Variants in GRXCR2 observed in about 807,000 individuals in gnomAD.
The protein encoded by GRXCR2 is glutaredoxin and cysteine rich domain containing 2, also known as glutaredoxin domain-containing cysteine-rich protein 2.
Under a neutral mutation model 24.8 loss-of-function variants are expected in GRXCR2, and 23 were observed. The ratio of observed to expected loss-of-function variants is 0.93; its 90% confidence interval spans 0.67 to 1.32. GRXCR2 has a LOEUF of 1.32. Among genes scored for constraint, GRXCR2 ranks in the 40% most tolerant of loss-of-function variants. GRXCR2 has a pLI of 0.00. For synonymous variants in GRXCR2, 130 were observed against 116.1 expected, an observed-to-expected ratio of 1.12 and a Z score of -0.77; for missense variants, 315 against 303.4, an observed-to-expected ratio of 1.04 and a Z score of -0.28.
At chr5:145,880,752 C>G (rs1447410602) in intron 2 of GRXCR2, among the ~76,000 whole-genome samples, 1 of 152,164 alleles carries the variant, frequency 6.6e-6, no homozygotes, top group Non-Finnish European at 1.5e-5. Flanking sequence ...ACGAATATCC[C>G]TGATGAACAT....
intron 2 of GRXCR2, among the ~76,000 whole-genome samples, chr5:145,895,142 A>G (rs535862364): frequency 1.3e-5 from 2 of 152,254 alleles, no homozygotes; most frequent in East Asian, 1.9e-4. Flanking sequence ...TCTCAAAATC[A>G]TAAGAGCTAT....
At chr5:145,909,220 C>T (rs1757131003) in intron 2 of GRXCR2, among the ~76,000 whole-genome samples, 1 of 152,204 alleles carries the variant, frequency 6.6e-6, no homozygotes, top group South Asian at 2.1e-4. Flanking sequence ...ATGAGGCGCG[C>T]AGTCATTACT....
At chr5:145,884,186 A>G (rs937205493) in intron 2 of GRXCR2, among the ~76,000 whole-genome samples, 2 of 152,168 alleles carry the variant, frequency 1.3e-5, no homozygotes, top group Admixed American at 1.3e-4. Flanking sequence ...GGTTTACAAG[A>G]AGTACAGAGA....
chr5:145,916,263 G>A (rs1158399718), intron 2 of GRXCR2, among the ~76,000 whole-genome samples: 1 of 152,164 alleles, frequency 6.6e-6, no homozygotes, highest in Non-Finnish European at 1.5e-5. Context: ...GAATCCTCAA[G>A]ACAAGGCTGC....
chr5:145,926,619 T>G (rs1279946945), intron 2 of GRXCR2, among the ~76,000 whole-genome samples: 1 of 152,236 alleles, frequency 6.6e-6, no homozygotes, highest in Non-Finnish European at 1.5e-5. Flanking sequence ...CATGCTGTTT[T>G]GGTTACTGTA....
At chr5:145,888,193 G>A (rs1756802692) in intron 2 of GRXCR2, among the ~76,000 whole-genome samples, 1 of 152,192 alleles carries the variant, frequency 6.6e-6, no homozygotes, top group South Asian at 2.1e-4. Flanking sequence ...AGGGAACTCA[G>A]GCTGCATCAC....
In GRXCR2 at chr5:145,866,504, T is replaced by A. The variant is rs1756438221; in HGVS notation, c.561A>T (p.Thr187=). The A allele has an allele frequency of 5.6e-6, 9 of 1,612,278 alleles. No homozygotes were observed. The East Asian group carries it at 2.0e-4, about 36-fold the overall frequency. ...ACAGTCAAGCTCCCCAACGCACCTG[T>A]GTATACCGGTTTTGGGGTAATGTGC... ...AESTLPQNRY[T]QEGDIPEDSC... Residue 187 remains threonine (T), a synonymous_variant, in exon 2 of 3, where the codon ACA becomes ACT. Coordinates refer to ENST00000377976, the MANE Select transcript of GRXCR2 (RefSeq NM_001080516.2).
intron 2 of GRXCR2, among the ~76,000 whole-genome samples, chr5:145,887,854 A>G (rs1756799077): frequency 6.6e-6 from 1 of 152,206 alleles, no homozygotes; most frequent in Non-Finnish European, 1.5e-5. Context: ...AGCCATCCCA[A>G]TCACAGGGAT....
At chr5:145,906,880 CAG>C (rs1242215808) in intron 2 of GRXCR2, among the ~76,000 whole-genome samples, 2 of 151,992 alleles carry the variant, frequency 1.3e-5, no homozygotes, top group Non-Finnish European at 2.9e-5. Flanking sequence ...CGAAATGAAA[CAG>C]GGGAGGGAAC....
intron 2 of GRXCR2, among the ~76,000 whole-genome samples, chr5:145,900,903 G>A (rs2636297): frequency 0.094 from 14,376 of 152,182 alleles, 1,629 homozygotes; most frequent in African/African-American, 0.27. Context: ...GTGCCCATCA[G>A]TGGTGGATTG....
chr5:145,866,823 G>A (rs1756445963), intron 1 of GRXCR2, 95 bp from the exon 2 acceptor site: 1 of 759,552 alleles, frequency 1.3e-6, no homozygotes, highest in Admixed American at 2.3e-5. Flanking sequence ...CAGCAGAGAA[G>A]GAACTTCTAC....
chr5:145,874,212 T>A (rs910693833), upstream of GRXCR2, among the ~76,000 whole-genome samples: 2 of 150,712 alleles, frequency 1.3e-5, no homozygotes, highest in South Asian at 4.2e-4. Flanking sequence ...TTATTTTATT[T>A]TTTTTTTTTT....
chr5:145,897,248 TACA>T (rs1756964395), intron 2 of GRXCR2, among the ~76,000 whole-genome samples: 2 of 19,110 alleles, frequency 1.0e-4, no homozygotes, highest in East Asian at 6.1e-3. Context: ...TGTTGTTTGT[TACA>T]TACATACATA....
At chr5:145,919,702 C>A (rs1359875222) in intron 2 of GRXCR2, among the ~76,000 whole-genome samples, 1 of 152,132 alleles carries the variant, frequency 6.6e-6, no homozygotes, top group African/African-American at 2.4e-5. Context: ...TGCCCCTTAT[C>A]TTTGTCATCC....
At chr5:145,861,279 G>A (rs1354270561) in intron 2 of GRXCR2, among the ~76,000 whole-genome samples, 1 of 152,118 alleles carries the variant, frequency 6.6e-6, no homozygotes, top group Non-Finnish European at 1.5e-5. Flanking sequence ...AAGCAATCAG[G>A]AAACCTTTTT....
upstream of GRXCR2, among the ~76,000 whole-genome samples, chr5:145,876,070 G>A (rs1756608752): frequency 6.6e-6 from 1 of 151,446 alleles, no homozygotes; most frequent in Admixed American, 6.6e-5. Flanking sequence ...AGGAGGCTGA[G>A]GCAAGAGGAT....
intron 2 of GRXCR2, among the ~76,000 whole-genome samples, chr5:145,887,842 G>A (rs1336666456): frequency 2.0e-5 from 3 of 152,150 alleles, no homozygotes; most frequent in Non-Finnish European, 4.4e-5. Flanking sequence ...GAAAGCGTTT[G>A]TAGCCATCCC....
At chr5:145,914,397 G>A (rs1473844630) in intron 2 of GRXCR2, among the ~76,000 whole-genome samples, 1 of 151,886 alleles carries the variant, frequency 6.6e-6, no homozygotes, top group Non-Finnish European at 1.5e-5. Context: ...CAAATCTGGC[G>A]AGGCATGGTA....
At chr5:145,925,128 A>G (rs1757372896) in intron 2 of GRXCR2, among the ~76,000 whole-genome samples, 1 of 152,158 alleles carries the variant, frequency 6.6e-6, no homozygotes, top group Admixed American at 6.6e-5. Context: ...TATTATTACC[A>G]TTCCGGTCTC....
Sources: allele counts gnomAD v4.1 joint callset (sites outside exome capture counted in the v4.1 genomes callset), GRCh38; gene constraint gnomAD v4.1.1; transcripts MANE v1.5; gene names NCBI Gene and HGNC (gene_info 2026-07-23, HGNC 2026-07-21).